LPIN1: variants seen among roughly 807,000 people sequenced by gnomAD.
LPIN1 encodes the protein lipin 1.
In LPIN1, 71 loss-of-function variants were observed where a neutral mutation model predicts 107.5. The ratio of observed to expected loss-of-function variants is 0.66; its 90% CI spans 0.55 to 0.80. The LOEUF (loss-of-function observed/expected upper bound fraction) is 0.80. Among genes scored for constraint, LPIN1 ranks in the 30% least tolerant of loss-of-function variants. The probability of loss-of-function intolerance (pLI) is 0.00; values close to 1 mark genes in which losing one functional copy is unlikely to be tolerated. For synonymous variants in LPIN1, 445 were observed against 452.6 expected (o/e 0.98, Z 0.21); for missense variants, 1,043 against 1,160.6 (o/e 0.90, Z 1.47).
Position 11,767,769 on chromosome 2 carries a change from A to G in LPIN1, c.199A>G (p.Ile67Val), listed in dbSNP as rs1394823879. 1.1e-5 allele frequency: 17 copies of G among 1,606,218 alleles called. No homozygotes were observed. In the African/African-American group the frequency reaches 1.6e-4, roughly 15 times the overall value. Residue 67 changes from isoleucine to valine, a missense_variant, in exon 3 of 21, where the codon ATA (isoleucine) becomes GTA (valine). Ile to Val is a conservative substitution (Grantham distance 29). Transcript: ENST00000674199. ...VLRSREKVVDIEINGESVDLH... is the reference protein window; with the variant it reads ...VLRSREKVVDVEINGESVDLH... ...AACCATGTTTTCCCTTCAGGTTGAC[A>G]TAGAAATCAATGGGGAATCTGTGGA...
exon 2 of LPIN1, chr2:11,741,400 G>A (rs1336005907): frequency 1.3e-6 from 2 of 1,550,520 alleles, no homozygotes; most frequent in East Asian, 2.4e-5. Context: ...CTTAACAGAA[G>A]ACAACTAGAA....
At chr2:11,820,001 T>A (rs61396799) in intron 19 of LPIN1, among the ~76,000 whole-genome samples, 1 of 152,206 alleles carries the variant, frequency 6.6e-6, no homozygotes, top group African/African-American at 2.4e-5. Flanking sequence ...AAAGAAGCGC[T>A]TTGAGATTTT....
chr2:11,805,218 A>G (rs1678467404), intron 17 of LPIN1, 62 bp downstream of exon 17: 1 of 1,266,366 alleles, frequency 7.9e-7, no homozygotes, highest in Non-Finnish European at 1.2e-6. Flanking sequence ...CGCACTCTGC[A>G]TATGGAATCT....
chr2:11,772,400 G>A (rs1572723671), intron 4 of LPIN1, among the ~76,000 whole-genome samples: 2 of 152,340 alleles, frequency 1.3e-5, no homozygotes, highest in East Asian at 3.9e-4. Flanking sequence ...CTCCTTGGCT[G>A]ATCGCTTTAG....
rs6757270 is a variant in LPIN1, at chr2:11,794,726, G to A, written c.1807-682G>A. Reference sequence around the variant, plus strand: ...GTCCTTGGGGCCAGTGCCCATCTCCGTCCTCCTTTGCCTGCTATGTGCCTG... The same window carrying A: ...GTCCTTGGGGCCAGTGCCCATCTCCATCCTCCTTTGCCTGCTATGTGCCTG... On this transcript the variant is annotated intron_variant, in intron 13 of 20. Transcript: ENST00000674199. 5.6e-3 allele frequency among the ~76,000 whole-genome samples: 854 copies of A among 152,230 alleles called. 6 individuals carry two copies. The highest frequency in any genetic ancestry group is 0.019 in the African/African-American group (797 of 41,516).
At chr2:11,695,565 G>T (rs1450001667) in intron 1 of LPIN1, among the ~76,000 whole-genome samples, 1 of 152,214 alleles carries the variant, frequency 6.6e-6, no homozygotes, top group East Asian at 1.9e-4. Flanking sequence ...GAGCAGATTG[G>T]TTAACTTCAG....
chr2:11,750,794 ATT>A (rs1241454646), intron 1 of LPIN1, among the ~76,000 whole-genome samples: 2 of 111,318 alleles, frequency 1.8e-5, no homozygotes, highest in Non-Finnish European at 1.7e-5. Flanking sequence ...GCTGAGCTAT[ATT>A]GTCTCCTAAT....
At chr2:11,740,658 T>TG (rs564836091) in intron 1 of LPIN1, among the ~76,000 whole-genome samples, 47 of 122,548 alleles carry the variant, frequency 3.8e-4, no homozygotes, top group African/African-American at 1.5e-3. Context: ...CACTCCAGCC[T>TG]GGGTGACACA....
intron 17 of LPIN1, among the ~76,000 whole-genome samples, chr2:11,810,388 A>T (rs1679446468): frequency 6.6e-6 from 1 of 152,108 alleles, no homozygotes; most frequent in African/African-American, 2.4e-5. Context: ...TAGGAGCGAG[A>T]GGGGAGGCTG....
intron 1 of LPIN1, among the ~76,000 whole-genome samples, chr2:11,709,196 TC>T (rs1165045040): frequency 6.6e-6 from 1 of 152,182 alleles, no homozygotes; most frequent in Non-Finnish European, 1.5e-5. Flanking sequence ...GAGCAAACCT[TC>T]CTTTATCCTC....
At chr2:11,732,893 TTCTC>T (rs541063769) in intron 1 of LPIN1, among the ~76,000 whole-genome samples, 8 of 149,226 alleles carry the variant, frequency 5.4e-5, no homozygotes, top group Non-Finnish European at 1.0e-4. Flanking sequence ...CTCTCTCTCT[TTCTC>T]TCTCTCTCTC....
intron 17 of LPIN1, among the ~76,000 whole-genome samples, chr2:11,810,695 G>A (rs990557582): frequency 6.6e-6 from 1 of 152,168 alleles, no homozygotes; most frequent in African/African-American, 2.4e-5. Flanking sequence ...GGGGCATGCT[G>A]TTGACTCTTA....
chr2:11,705,132 C>A (rs1158745981), intron 1 of LPIN1, among the ~76,000 whole-genome samples: 2 of 152,170 alleles, frequency 1.3e-5, no homozygotes, highest in Non-Finnish European at 2.9e-5. Context: ...ATCTCCAGCC[C>A]CCTCCCATAA....
chr2:11,740,548 G>T (rs375296180), intron 1 of LPIN1, among the ~76,000 whole-genome samples: 2 of 151,904 alleles, frequency 1.3e-5, no homozygotes, highest in African/African-American at 4.8e-5. Context: ...GCTGGGTGTG[G>T]TGGGACTCAT....
intron 13 of LPIN1, among the ~76,000 whole-genome samples, chr2:11,793,853 A>G (rs1325616069): frequency 3.3e-5 from 5 of 152,174 alleles, no homozygotes. Flanking sequence ...TGAGGCAGAG[A>G]CCATATATGG....
rs1050697394 is a variant in LPIN1, at chr2:11,786,343, C to T, written c.1550-731C>T. 6.6e-6 allele frequency among the ~76,000 whole-genome samples: 1 copy of T among 152,128 alleles called. No homozygotes were observed. The highest frequency in any genetic ancestry group is 1.5e-5 in the Non-Finnish European group (1 of 68,026). Reference sequence around the variant, plus strand: ...TCGGTTCAGGGTAAATAGGAGCTCCCAGGGAAGGAGTGGGCGTGGCTCTGG... The same window carrying T: ...TCGGTTCAGGGTAAATAGGAGCTCCTAGGGAAGGAGTGGGCGTGGCTCTGG... On this transcript the variant is annotated intron_variant, in intron 10 of 20. Transcript: ENST00000674199. This position sits in a 1 kb window ranked among gnomAD's most constrained non-coding sequence, Gnocchi z 4.1.
In LPIN1 at chr2:11,765,271, C is replaced by T. The variant is rs927243652; in HGVS notation, c.-9-262C>T. 2.0e-5 allele frequency among the ~76,000 whole-genome samples: 3 copies of T among 148,750 alleles called. No individual in the cohort carries two copies. The highest frequency in any genetic ancestry group is 4.5e-5 in the Non-Finnish European group (3 of 67,242). Reference sequence around the variant, plus strand: ...TGGACCCTGATGGACCCTGATGGGCCGTGATGGACCCTGATGGGCTGTGAT... The same window carrying T: ...TGGACCCTGATGGACCCTGATGGGCTGTGATGGACCCTGATGGGCTGTGAT... On this transcript the variant is annotated intron_variant, in intron 1 of 20. Coordinates refer to ENST00000674199, the MANE Select transcript of LPIN1 (RefSeq NM_001349206.2). The surrounding 1 kb of genome is among the most constrained non-coding windows in gnomAD (Gnocchi z 4.4).
intron 7 of LPIN1, among the ~76,000 whole-genome samples, chr2:11,780,724 C>T (rs975244604): frequency 6.6e-6 from 1 of 152,186 alleles, no homozygotes; most frequent in Admixed American, 6.5e-5. Context: ...CTTCCCTGAA[C>T]CTCAGTGTCT....
At chr2:11,677,975 T>G (rs939186981) in intron 1 of LPIN1, among the ~76,000 whole-genome samples, 1 of 152,282 alleles carries the variant, frequency 6.6e-6, no homozygotes, top group Non-Finnish European at 1.5e-5. Context: ...AAGGCTTTTT[T>G]CTTTGCCTTG....
Sources: allele counts gnomAD v4.1 joint callset (sites outside exome capture counted in the v4.1 genomes callset), GRCh38; gene constraint gnomAD v4.1.1; non-coding constraint Gnocchi (gnomAD v3.1); transcripts MANE v1.5; gene names NCBI Gene and HGNC (gene_info 2026-07-23, HGNC 2026-07-21).